Variants in ARHGAP8 observed in about 807,000 individuals in gnomAD.
ARHGAP8 encodes the protein rho GTPase-activating protein 8.
In ARHGAP8, 62 loss-of-function variants were observed where a neutral mutation model predicts 46.1. The ratio of observed to expected loss-of-function variants is 1.34; its 90% CI spans 1.10 to 1.66. The LOEUF (loss-of-function observed/expected upper bound fraction) is 1.66, where lower values mean the gene tolerates loss of function less well. ARHGAP8 is among the 40% of genes most tolerant of loss of function. The probability of loss-of-function intolerance (pLI) is 0.00; values close to 1 mark genes in which losing one functional copy is unlikely to be tolerated. For synonymous variants in ARHGAP8, 375 were observed against 243.1 expected (o/e 1.54, Z -5.05); for missense variants, 923 against 568.4 (o/e 1.62, Z -6.34).
intron 7 of ARHGAP8, among the ~76,000 whole-genome samples, chr22:44,826,172 G>A (rs1602231251): frequency 6.6e-6 from 1 of 152,088 alleles, no homozygotes; most frequent in Non-Finnish European, 1.5e-5. Context: ...CTCTCATGGT[G>A]ATGTATAGGC....
intron 7 of ARHGAP8, among the ~76,000 whole-genome samples, chr22:44,829,071 A>G (rs111651478): frequency 5.2e-4 from 77 of 147,772 alleles, no homozygotes; most frequent in African/African-American, 1.9e-3. Context: ...TCAGGAGTTC[A>G]AGACCAGCCT....
At chr22:44,845,786 G>A (rs367866545) in intron 8 of ARHGAP8, among the ~76,000 whole-genome samples, 1 of 152,180 alleles carries the variant, frequency 6.6e-6, no homozygotes, top group African/African-American at 2.4e-5. Context: ...TTGGAGTGGG[G>A]TGAGCCTTGT....
At chr22:44,831,444 C>T (rs1930938154) in intron 7 of ARHGAP8, among the ~76,000 whole-genome samples, 1 of 152,120 alleles carries the variant, frequency 6.6e-6, no homozygotes, top group African/African-American at 2.4e-5. Context: ...GCCTATAATC[C>T]CAGCACTTTG....
intron 4 of ARHGAP8, among the ~76,000 whole-genome samples, chr22:44,812,519 G>T (rs997025269): frequency 6.6e-6 from 1 of 151,848 alleles, no homozygotes; most frequent in African/African-American, 2.4e-5. Context: ...ACCACGCCCG[G>T]CTAATTTTTG....
chr22:44,787,934 TTTTTTTCCC>T (rs1245489794), intron 2 of ARHGAP8, among the ~76,000 whole-genome samples: 1 of 136,492 alleles, frequency 7.3e-6, no homozygotes, highest in Non-Finnish European at 1.6e-5. Context: ...TTTTTTTTTT[TTTTTTTCCC>T]CCCAAATGTC....
At chr22:44,861,826 T>C (rs1347864766) in intron 11 of ARHGAP8, among the ~76,000 whole-genome samples, 1 of 152,116 alleles carries the variant, frequency 6.6e-6, no homozygotes, top group African/African-American at 2.4e-5. Context: ...AGGAGCCCCT[T>C]CTAGCAGGCA....
chr22:44,792,721 T>C (rs877666), intron 2 of ARHGAP8, among the ~76,000 whole-genome samples: 40,677 of 151,958 alleles, frequency 0.27, 5,876 homozygotes, highest in South Asian at 0.44. Flanking sequence ...GAATTTTGAA[T>C]GATCTCTCCC....
intron 7 of ARHGAP8, among the ~76,000 whole-genome samples, chr22:44,841,392 G>A (rs772539233): frequency 2.3e-4 from 35 of 152,094 alleles, no homozygotes; most frequent in Non-Finnish European, 4.6e-4. Context: ...CTAGTATCCC[G>A]CCCATGTGAC....
rs1928252724 is a variant in ARHGAP8, at chr22:44,798,476, T to C, written c.80-3601T>C. 1.3e-5 allele frequency among the ~76,000 whole-genome samples: 2 copies of C among 151,706 alleles called. 1 individual carries two copies. The highest frequency in any genetic ancestry group is 4.2e-4 in the South Asian group (2 of 4,810). ...TTATCTTGATCCTTAGCTAATTAGA[T>C]CTGCAGTGACCCTGTTTCCAGTGTC... On this transcript the variant is annotated intron_variant, in intron 2 of 11. Transcript: ENST00000356099.
In ARHGAP8 at chr22:44,798,683, A is replaced by G. The variant is rs542827764; in HGVS notation, c.80-3394A>G. 1.9e-4 allele frequency among the ~76,000 whole-genome samples: 29 copies of G among 152,142 alleles called. No homozygotes were observed. In the East Asian group the frequency reaches 4.8e-3, roughly 25 times the overall value. On this transcript the variant is annotated intron_variant, in intron 2 of 11. Transcript: ENST00000356099. ...CCCAGTGGAACGTTCTCTGTGCTGG[A>G]CACGCTCCATCCCTGCCTTGTCCAG...
chr22:44,777,857 A>T (rs1173481091), intron 1 of ARHGAP8, among the ~76,000 whole-genome samples: 3 of 151,842 alleles, frequency 2.0e-5, no homozygotes, highest in Non-Finnish European at 4.4e-5. Context: ...CACCATGCCC[A>T]GCTAATTTTT....
chr22:44,833,540 CT>C (rs1169445907), intron 7 of ARHGAP8, among the ~76,000 whole-genome samples: 2 of 151,998 alleles, frequency 1.3e-5, no homozygotes, highest in Non-Finnish European at 2.9e-5. Flanking sequence ...GGTGTATAAT[CT>C]TTTTCATATA....
intron 1 of ARHGAP8, among the ~76,000 whole-genome samples, chr22:44,753,308 G>A (rs132431): frequency 0.023 from 3,393 of 150,694 alleles, 63 homozygotes; most frequent in Middle Eastern, 0.052. Context: ...TGCAACCTCC[G>A]CCTCCTGGGT....
chr22:44,801,984 G>A, intron 2 of ARHGAP8, 93 bp from the exon 3 acceptor site: 1 of 1,500,692 alleles, frequency 6.7e-7, no homozygotes, highest in South Asian at 1.2e-5. Context: ...CCCAGCTCGG[G>A]CTGGACTGGC....
At chr22:44,765,104 C>G (rs1209866524) in intron 1 of ARHGAP8, 1 of 152,338 alleles carries the variant, frequency 6.6e-6, no homozygotes, top group Admixed American at 6.5e-5. Flanking sequence ...TCTGGGCAGG[C>G]TCCTCAGCCC....
chr22:44,859,968 G>A (rs1234028020), intron 11 of ARHGAP8, 134 bp downstream of exon 11: 13 of 1,071,976 alleles, frequency 1.2e-5, no homozygotes, highest in Admixed American at 5.3e-5. Context: ...ACCACTCCCT[G>A]CCCCCCAAGG....
At chr22:44,814,798 G>A (rs766856808) in intron 5 of ARHGAP8, 40 bp downstream of exon 5, 7 of 1,605,938 alleles carry the variant, frequency 4.4e-6, no homozygotes, top group Non-Finnish European at 6.0e-6. Flanking sequence ...TGGGGTTGGA[G>A]GTTTCACCCC....
At chr22:44,817,129 C>T (rs1158107802) in intron 5 of ARHGAP8, among the ~76,000 whole-genome samples, 1 of 147,022 alleles carries the variant, frequency 6.8e-6, no homozygotes, top group Non-Finnish European at 1.5e-5. Flanking sequence ...CAGGTTGATC[C>T]ACCCGCCTCG....
chr22:44,852,838 TCTCA>T (rs1431090957), intron 10 of ARHGAP8, among the ~76,000 whole-genome samples: 3 of 152,208 alleles, frequency 2.0e-5, no homozygotes, highest in Non-Finnish European at 2.9e-5. Flanking sequence ...GAAGTCTCAC[TCTCA>T]CTCAGGCTGG....
Sources: allele counts gnomAD v4.1 joint callset (sites outside exome capture counted in the v4.1 genomes callset), GRCh38; gene constraint gnomAD v4.1.1; transcripts MANE v1.5; gene names NCBI Gene and HGNC (gene_info 2026-07-23, HGNC 2026-07-21).